Variants in CLASP1 observed in about 807,000 individuals in gnomAD.
The protein encoded by CLASP1 is cytoplasmic linker associated protein 1.
In CLASP1, 38 loss-of-function variants were observed where a neutral mutation model predicts 192.3. The observed-to-expected ratio is 0.20, with a 90% CI of 0.15 to 0.26. The LOEUF is 0.26. CLASP1 is among the 10% of genes least tolerant of loss of function. The probability of loss-of-function intolerance (pLI) is 1.00; values close to 1 mark genes in which losing one functional copy is unlikely to be tolerated. For missense variants in CLASP1, 1,433 were observed against 1,932.5 expected, an observed-to-expected ratio of 0.74 and a Z score of 4.85; for synonymous variants, 691 against 712.8, an observed-to-expected ratio of 0.97 and a Z score of 0.49.
intron 5 of CLASP1, among the ~76,000 whole-genome samples, chr2:121,526,968 A>G (rs1291554460): frequency 1.3e-5 from 2 of 152,244 alleles, no homozygotes; most frequent in Non-Finnish European, 2.9e-5. Flanking sequence ...AATGGCTAAA[A>G]TAAAAAAATG....
intron 2 of CLASP1, among the ~76,000 whole-genome samples, chr2:121,585,726 C>G (rs1260247220): frequency 6.6e-6 from 1 of 151,916 alleles, no homozygotes; most frequent in Non-Finnish European, 1.5e-5. Flanking sequence ...GGTGAAACAC[C>G]ATCTCTACTA....
intron 1 of CLASP1, among the ~76,000 whole-genome samples, chr2:121,643,621 A>G (rs1332280596): frequency 6.6e-6 from 1 of 152,184 alleles, no homozygotes; most frequent in Non-Finnish European, 1.5e-5. Context: ...TTATGAAGAC[A>G]TTTATTTATA....
chr2:121,523,648 A>C (rs1034803489), intron 6 of CLASP1, among the ~76,000 whole-genome samples: 1 of 152,198 alleles, frequency 6.6e-6, no homozygotes, highest in Admixed American at 6.5e-5. Context: ...TAAAATCTAC[A>C]CCGAGTCCAT....
intron 8 of CLASP1, among the ~76,000 whole-genome samples, chr2:121,499,405 T>C (rs1343384103): frequency 6.6e-6 from 1 of 150,740 alleles, no homozygotes; most frequent in Admixed American, 6.6e-5. Context: ...CGCCAGAAAC[T>C]GGGGGGAGAG....
intron 2 of CLASP1, chr2:121,532,345 G>A (rs2094916221): frequency 6.6e-6 from 1 of 152,206 alleles, no homozygotes; most frequent in African/African-American, 2.4e-5. Flanking sequence ...CCAGCTAAAA[G>A]GGATTAGGTT....
rs1553615800 is a variant in CLASP1 at position 121,530,987 on chromosome 2, T to TTTGGTGCAA, written c.196-671_196-663dup. On this transcript the variant is annotated intron_variant, in intron 2 of 39. Coordinates refer to ENST00000263710, the Ensembl canonical transcript of CLASP1. ...GCATCAACTAGAGCTTTTGCTTTAT[T>TTTGGTGCAA]TTGGTGCAATTTTTGGAAAAATGAA... 2 of 700,212 alleles carry TTTGGTGCAA rather than the reference T, an allele frequency of 2.9e-6. No individual in the cohort carries two copies. Among genetic ancestry groups the TTTGGTGCAA allele is most frequent in the Non-Finnish European group, 2.6e-6 (1 of 384,794 alleles). 43.4% of individuals were successfully genotyped at this position (700,212 alleles called of 1,614,324 possible). A position where few individuals can be genotyped will look rare whatever the true frequency, so the allele number is the denominator to read the frequency against.
At chr2:121,606,919 T>C (rs1428757831) in intron 1 of CLASP1, among the ~76,000 whole-genome samples, 1 of 151,912 alleles carries the variant, frequency 6.6e-6, no homozygotes, top group African/African-American at 2.4e-5. Flanking sequence ...TAGCTGGGCA[T>C]GGTGGCAGTG....
At chr2:121,385,488 T>C (rs190454119) in intron 32 of CLASP1, among the ~76,000 whole-genome samples, 3 of 152,328 alleles carry the variant, frequency 2.0e-5, no homozygotes, top group Admixed American at 6.5e-5. Flanking sequence ...GAAGGAATAA[T>C]GACCTTGAAA....
At position 121,469,950 on chromosome 2, in the gene CLASP1, G is replaced by A. The variant is rs375215586; in HGVS notation, c.723C>T (p.Phe241=). The A allele has an allele frequency of 5.3e-5, 86 of 1,610,860 alleles. No individual in the cohort carries two copies. The Admixed American group carries it at 8.8e-4, about 17-fold the overall frequency. ...TACCATCCACAGAATCTTCATCGTC[G>A]AAATTTTTATCTGAACAGTAAGCAC... Residue 241 remains phenylalanine (F), a synonymous_variant, in exon 9 of 40, where the codon TTC becomes TTT. Coordinates refer to ENST00000263710, the Ensembl canonical transcript of CLASP1.
At chr2:121,616,827 C>T (rs1325881353) in intron 1 of CLASP1, among the ~76,000 whole-genome samples, 2 of 152,184 alleles carry the variant, frequency 1.3e-5, no homozygotes, top group African/African-American at 2.4e-5. Context: ...AGTGAGCAAG[C>T]ATTTACTCTG....
intron 19 of CLASP1, among the ~76,000 whole-genome samples, chr2:121,445,911 T>C (rs1207936507): frequency 1.3e-5 from 2 of 152,194 alleles, no homozygotes; most frequent in Non-Finnish European, 2.9e-5. Context: ...AAATACTAAT[T>C]ACAAATACTA....
At chr2:121,630,828 C>T (rs1011544039) in intron 1 of CLASP1, among the ~76,000 whole-genome samples, 4 of 145,220 alleles carry the variant, frequency 2.8e-5, no homozygotes, top group Non-Finnish European at 6.0e-5. Flanking sequence ...CCATTGCACT[C>T]CAGCCTGGAC....
At chr2:121,461,221 T>C (rs768168475) in intron 10 of CLASP1, 28 bp from the exon 11 acceptor site, 1 of 1,226,960 alleles carries the variant, frequency 8.2e-7, no homozygotes, top group Non-Finnish European at 1.2e-6. Flanking sequence ...TTACAATCAA[T>C]ATAAAAACAT....
At chr2:121,625,427 A>ATTTTTTTTTT (rs397868546) in intron 1 of CLASP1, among the ~76,000 whole-genome samples, 3 of 95,750 alleles carry the variant, frequency 3.1e-5, no homozygotes, top group African/African-American at 4.4e-5. Context: ...TCTTTCTTTC[A>ATTTTTTTTTT]TTTTTTTTTT....
intron 34 of CLASP1, among the ~76,000 whole-genome samples, chr2:121,369,040 T>G (rs543674760): frequency 2.0e-4 from 30 of 152,386 alleles, no homozygotes; most frequent in African/African-American, 7.0e-4. Flanking sequence ...CTGCCTATGC[T>G]AGGTACCTCA....
chr2:121,601,006 C>G (rs1410035584), intron 2 of CLASP1, among the ~76,000 whole-genome samples: 2 of 152,166 alleles, frequency 1.3e-5, no homozygotes, highest in Non-Finnish European at 2.9e-5. Flanking sequence ...GGTTTCCTTC[C>G]CCCAAGTGAA....
At chr2:121,605,752 A>C in exon 2 of CLASP1, 1 of 1,614,062 alleles carries the variant, frequency 6.2e-7, no homozygotes, top group South Asian at 1.1e-5. Flanking sequence ...CCACAAGTTT[A>C]TCTAACATGG....
At chr2:121,357,316 G>C (rs1323861434) in intron 37 of CLASP1, among the ~76,000 whole-genome samples, 1 of 152,168 alleles carries the variant, frequency 6.6e-6, no homozygotes. Flanking sequence ...CAATGGAAGA[G>C]TATAAAAAGG....
At chr2:121,444,227 CAAAAT>C (rs2083899100) in intron 19 of CLASP1, among the ~76,000 whole-genome samples, 1 of 151,954 alleles carries the variant, frequency 6.6e-6, no homozygotes, top group Non-Finnish European at 1.5e-5. Flanking sequence ...GCATAAAAAA[CAAAAT>C]AAAGTGGATC....
Sources: allele counts gnomAD v4.1 joint callset (sites outside exome capture counted in the v4.1 genomes callset), GRCh38; gene constraint gnomAD v4.1.1; transcripts MANE v1.5; gene names NCBI Gene and HGNC (gene_info 2026-07-23, HGNC 2026-07-21).